The following EP400 variants were observed in gnomAD, a reference collection of about 807,000 sequenced individuals.
EP400 encodes the protein E1A binding protein p400, also known as E1A-binding protein p400.
EP400 carries 105 observed loss-of-function variants against 354.1 expected under a neutral mutation model. That is an observed-to-expected ratio of 0.30 (90% CI 0.25 to 0.35). The LOEUF is 0.35. Among genes scored for constraint, EP400 ranks in the 10% least tolerant of loss-of-function variants. The pLI, the probability that EP400 is intolerant of heterozygous loss-of-function variation, is 1.00. For missense variants in EP400, 3,280 were observed against 4,121.0 expected (o/e 0.80, Z 5.59); for synonymous variants, 1,646 against 1,716.9 (o/e 0.96, Z 1.02).
intron 41 of EP400, among the ~76,000 whole-genome samples, chr12:132,051,573 A>T (rs1895290162): frequency 6.6e-6 from 1 of 152,180 alleles, no homozygotes; most frequent in African/African-American, 2.4e-5. Context: ...GGAGAGAAAC[A>T]TCTTACATTA....
chr12:132,050,860 G>C lies in EP400; in HGVS notation c.7394+205G>C. 1 of 615,734 alleles carries C rather than the reference G, an allele frequency of 1.6e-6. No individual in the cohort carries two copies. The highest frequency in any genetic ancestry group is 1.9e-5 in the South Asian group (1 of 51,780). 38.1% of individuals were successfully genotyped at this position (615,734 alleles called of 1,614,324 possible). On this transcript the variant is annotated intron_variant, in intron 41 of 52. Coordinates refer to ENST00000389561, the MANE Select transcript of EP400 (RefSeq NM_015409.5). This position sits in a 1 kb window ranked among gnomAD's most constrained non-coding sequence, Gnocchi z 4.8. ...ATAGGACGGCCCCTGCCCTGTCTCT[G>C]TGTTACAGGGATTGTCCTTGCTGGC...
At chr12:131,989,500 T>C (rs1410413488) in intron 7 of EP400, among the ~76,000 whole-genome samples, 4 of 152,210 alleles carry the variant, frequency 2.6e-5, no homozygotes, top group African/African-American at 9.6e-5. Flanking sequence ...CATTTGAGGT[T>C]CTGTTGGTGG....
At position 132,043,292 on chromosome 12, in the gene EP400, G is replaced by T; in HGVS notation, c.6208-12G>T. ...AGTCTATCAAGGCAATCTAAACATA[G>T]ACTTTCCTCAGGCCCTCAAGAGTAT... On this transcript the variant is annotated splice_polypyrimidine_tract_variant and intron_variant, in intron 32 of 52. Transcript: ENST00000389561. 1 of 1,602,678 alleles carries T rather than the reference G, an allele frequency of 6.2e-7. No homozygotes were observed. The highest frequency in any genetic ancestry group is 1.1e-5 in the South Asian group (1 of 88,524).
At chr12:132,053,280 T>G in intron 42 of EP400, 56 bp downstream of exon 42, 1 of 1,609,490 alleles carries the variant, frequency 6.2e-7, no homozygotes, top group Non-Finnish European at 8.5e-7. Context: ...TGTGACTTCA[T>G]CCAGGGGGTA....
intron 37 of EP400, 78 bp from the exon 38 acceptor site, chr12:132,045,241 C>A: frequency 6.4e-7 from 1 of 1,572,848 alleles, no homozygotes; most frequent in Non-Finnish European, 8.6e-7. Flanking sequence ...ACTTGCCTGA[C>A]CTGTTTCCTT....
chr12:131,962,036 A>G (rs1372784118), intron 2 of EP400, 82 bp downstream of exon 2: 4 of 1,455,564 alleles, frequency 2.7e-6, no homozygotes, highest in Non-Finnish European at 1.8e-6. Context: ...GTAATAATTT[A>G]TTGAGCCTGC....
intron 25 of EP400, among the ~76,000 whole-genome samples, chr12:132,026,829 C>G (rs543178866): frequency 6.6e-6 from 1 of 152,344 alleles, no homozygotes; most frequent in Admixed American, 6.5e-5. Context: ...GGCCCCTTTT[C>G]AGCACTCAGA....
At chr12:131,962,567 CAA>C in intron 2 of EP400, among the ~76,000 whole-genome samples, 1 of 152,298 alleles carries the variant, frequency 6.6e-6, no homozygotes, top group South Asian at 2.1e-4. Context: ...GATGTAGTCT[CAA>C]GATTTGAGAT....
chr12:132,031,062 A>G (rs368254461), intron 29 of EP400, among the ~76,000 whole-genome samples: 3 of 152,372 alleles, frequency 2.0e-5, no homozygotes, highest in East Asian at 3.9e-4. Flanking sequence ...TGGTAATATT[A>G]TAGCAAATTA....
Position 132,034,361 on chromosome 12 carries a change from G to A in EP400, c.5951+2212G>A, listed in dbSNP as rs191946273. 2.9e-3 allele frequency among the ~76,000 whole-genome samples: 447 copies of A among 152,338 alleles called. 4 individuals carry two copies. Among genetic ancestry groups the A allele is most frequent in the African/African-American group, 0.01 (431 of 41,558 alleles). ...AAGTGTGAAGACACACTTTGTTCTC[G>A]AGTGGGTAGACTTCATTCATGAACA... On this transcript the variant is annotated intron_variant, in intron 30 of 52. Coordinates refer to ENST00000389561, the MANE Select transcript of EP400 (RefSeq NM_015409.5).
intron 48 of EP400, chr12:132,065,122 T>C (rs1808460895): frequency 4.1e-6 from 3 of 730,958 alleles, no homozygotes; most frequent in African/African-American, 1.8e-5. Flanking sequence ...AGGGCTTGAA[T>C]TGAGGGGGGT....
In EP400 at chr12:132,036,194, G is replaced by A. The variant is rs145562663; in HGVS notation, c.5952-1488G>A. Among the ~76,000 whole-genome samples, 930 of 138,708 alleles carry A rather than the reference G, an allele frequency of 6.7e-3. 7 individuals carry two copies. The highest frequency in any genetic ancestry group is 0.024 in the African/African-American group (871 of 36,292). 91.0% of individuals were successfully genotyped at this position (138,708 alleles called of 152,430 possible). On this transcript the variant is annotated intron_variant, in intron 30 of 52. Coordinates refer to ENST00000389561, the MANE Select transcript of EP400 (RefSeq NM_015409.5). ...CAACACACCCAGGTTCACACGGAAC[G>A]TCATGGAAGCACACAGCCAGGTTCA... is the stretch of plus-strand genomic sequence containing the variant.
At position 132,030,048 on chromosome 12, in the gene EP400, C is replaced by G. The variant is rs1278665818; in HGVS notation, c.5644C>G (p.Leu1882Val). ...ATTGAAATCTGAAGGACGTCGGGTG[C>G]TGATTTTATCACAGATGATTCTTAT... Reference protein sequence around the residue: ...QKLKSEGRRVLILSQMILMLD... With the variant: ...QKLKSEGRRVVILSQMILMLD... Residue 1882 changes from leucine to valine, a missense_variant, in exon 29 of 53, where the codon CTG (leucine) becomes GTG (valine). Leu to Val is a conservative substitution (Grantham distance 32, BLOSUM62 1). Transcript: ENST00000389561. 1 of 1,614,232 alleles carries G rather than the reference C, an allele frequency of 6.2e-7. No individual in the cohort carries two copies. Among genetic ancestry groups the G allele is most frequent in the Admixed American group, 1.7e-5 (1 of 60,028 alleles).
intron 5 of EP400, among the ~76,000 whole-genome samples, chr12:131,983,590 C>T (rs1378900177): frequency 1.3e-5 from 2 of 152,236 alleles, no homozygotes; most frequent in East Asian, 1.9e-4. Context: ...CACATCAGGG[C>T]GTGGGGAGCC....
In EP400 at chr12:132,027,097, TGGCGATGGGGTACCCAG is replaced by T. The variant is rs1894333480; in HGVS notation, c.5015-336_5015-320del. ...GGGCTAGGAGGTGGCCATGTGCTGA[TGGCGATGGGGTACCCAG>T]GGCCTCGGAGGTGTGCTGGGATGCT... On this transcript the variant is annotated intron_variant, in intron 25 of 52. Coordinates refer to ENST00000389561, the MANE Select transcript of EP400 (RefSeq NM_015409.5). This position sits in a 1 kb window ranked among gnomAD's most constrained non-coding sequence, Gnocchi z 4.9. Among the ~76,000 whole-genome samples, 1 of 152,152 alleles carries T rather than the reference TGGCGATGGGGTACCCAG, an allele frequency of 6.6e-6. No homozygotes were observed.
In EP400 at chr12:132,028,113, C is replaced by G. The variant is rs1467606204; in HGVS notation, c.5206C>G (p.Leu1736Val). ...AGCTCCAGTCTATGGCAGAGACTTG[C>G]TAAGGATTTGTGCCCTGCCTAGCCA... ...SQAPVYGRDLLRICALPSHGR... is the reference protein window; with the variant it reads ...SQAPVYGRDLVRICALPSHGR... The change falls in exon 27 of 53, where the codon CTA (leucine) becomes GTA (valine). Residue 1736 changes from leucine (L) to valine (V), a missense_variant. Around this residue, in one of 20 missense-constraint regions of EP400, gnomAD observed 459 missense variants for 496.9 expected, o/e 0.92. Transcript: ENST00000389561. 2 of 1,614,208 alleles carry G rather than the reference C, an allele frequency of 1.2e-6. No homozygotes were observed. Among genetic ancestry groups the G allele is most frequent in the Non-Finnish European group, 1.7e-6 (2 of 1,180,038 alleles).
Position 132,027,304 on chromosome 12 carries a change from G to A in EP400, c.5015-133G>A. 2.4e-6 allele frequency: 2 copies of A among 840,540 alleles called. No individual in the cohort carries two copies. Among genetic ancestry groups the A allele is most frequent in the Non-Finnish European group, 3.9e-6 (2 of 507,384 alleles). The allele number at this position is 840,540 out of a possible 1,614,324, so 52.1% of individuals were successfully genotyped here. On this transcript the variant is annotated intron_variant, in intron 25 of 52. Transcript: ENST00000389561. The surrounding 1 kb of genome is among the most constrained non-coding windows in gnomAD (Gnocchi z 4.9). The stretch of plus-strand genomic sequence containing the variant: ...TGTGCTGGTGGAGGATGAGGACTTG[G>A]GGACATGCCGTTGCAGAATGACTTT...
At chr12:132,055,708 G>A (rs779793813) in intron 45 of EP400, among the ~76,000 whole-genome samples, 9 of 148,958 alleles carry the variant, frequency 6.0e-5, no homozygotes, top group African/African-American at 1.5e-4. Flanking sequence ...GTAGGGGTGT[G>A]TGTGTGTGTG....
chr12:132,057,029 G>T (rs552650616), intron 45 of EP400, among the ~76,000 whole-genome samples: 1 of 152,286 alleles, frequency 6.6e-6, no homozygotes, highest in South Asian at 2.1e-4. Context: ...GAAACAGAAG[G>T]CTGGCAGTCA....
Sources: gnomAD v4.1 joint callset for allele counts (sites outside exome capture counted in the v4.1 genomes callset) on GRCh38, gnomAD v4.1.1 for gene constraint, gnomAD v4.1.1 regional missense constraint, Gnocchi (gnomAD v3.1) non-coding constraint, MANE v1.5 for transcripts, NCBI Gene and HGNC (gene_info 2026-07-23, HGNC 2026-07-21) for gene names.